Variants in AFM observed in about 807,000 individuals in gnomAD.
AFM encodes the protein alpha-Alb.
A neutral mutation model predicts 68.7 loss-of-function variants in AFM; 82 were observed. That is an observed-to-expected ratio of 1.19 (90% CI 1.00 to 1.43). The LOEUF (loss-of-function observed/expected upper bound fraction) is 1.43, where lower values mean the gene tolerates loss of function less well. Ranked by LOEUF, AFM falls within the 40% of genes most tolerant of loss-of-function variation. AFM has a pLI of 0.00. For synonymous variants in AFM, 250 were observed against 234.2 expected (o/e 1.07, Z -0.61); for missense variants, 772 against 701.8 (o/e 1.10, Z -1.13).
At chr4:73,498,823 CA>C (rs1461338663) in intron 10 of AFM, among the ~76,000 whole-genome samples, 2 of 151,972 alleles carry the variant, frequency 1.3e-5, no homozygotes, top group East Asian at 3.9e-4. Context: ...AGATACTAGC[CA>C]ATGTATTTGC....
At chr4:73,484,510 C>A (rs1372672802) in intron 3 of AFM, 120 bp downstream of exon 3, 1 of 735,368 alleles carries the variant, frequency 1.4e-6, no homozygotes. Context: ...TTCTTTCATT[C>A]TTTCTTTCTT....
At chr4:73,482,858 C>G (rs950043400) in intron 1 of AFM, among the ~76,000 whole-genome samples, 6 of 152,184 alleles carry the variant, frequency 3.9e-5, no homozygotes, top group Non-Finnish European at 7.3e-5. Flanking sequence ...ACATATACCA[C>G]TACCTGACTC....
At chr4:73,483,489 A>G (rs1476305516) in intron 1 of AFM, among the ~76,000 whole-genome samples, 2 of 152,214 alleles carry the variant, frequency 1.3e-5, no homozygotes, top group Non-Finnish European at 2.9e-5. Flanking sequence ...TCTGGAGATG[A>G]CCTAAATAGC....
chr4:73,496,187 C>T (rs1467100050), intron 9 of AFM, among the ~76,000 whole-genome samples: 1 of 152,146 alleles, frequency 6.6e-6, no homozygotes, highest in Admixed American at 6.5e-5. Flanking sequence ...GGCTGTGTTC[C>T]CTCTAGGGAA....
chr4:73,484,458 CT>C (rs369780559), intron 3 of AFM, 68 bp downstream of exon 3: 8 of 462,144 alleles, frequency 1.7e-5, no homozygotes, highest in Non-Finnish European at 3.0e-5. Context: ...TTCTTTCTTT[CT>C]TTCTTTCTTT....
At chr4:73,495,126 G>A in intron 8 of AFM, 174 bp from the exon 9 acceptor site, 1 of 474,832 alleles carries the variant, frequency 2.1e-6, no homozygotes, top group Non-Finnish European at 3.6e-6. Flanking sequence ...GAGAACTTTT[G>A]TAAAATGATC....
chr4:73,499,961 A>G lies in AFM; in HGVS notation c.1423-43A>G, dbSNP rs1721380708. 3 of 1,521,730 alleles carry G rather than the reference A, an allele frequency of 2.0e-6. No individual in the cohort carries two copies. In the African/African-American group the frequency reaches 4.1e-5, roughly 21 times the overall value. 94.3% of individuals were successfully genotyped at this position (1,521,730 alleles called of 1,614,324 possible). On this transcript the variant is annotated intron_variant, in intron 11 of 14. Coordinates refer to ENST00000226355, the MANE Select transcript of AFM (RefSeq NM_001133.2). ...AACCATATTTTTAGAAATTCCATTC[A>G]AGTTTTAAGATCGTATCTCAGTTGC...
intron 3 of AFM, among the ~76,000 whole-genome samples, chr4:73,485,594 G>T (rs1217997710): frequency 6.9e-6 from 1 of 145,934 alleles, no homozygotes; most frequent in Non-Finnish European, 1.5e-5. Context: ...AGAAGGAGAA[G>T]AGGAAGAGGA....
At chr4:73,482,256 A>G (rs1230389537) in intron 1 of AFM, among the ~76,000 whole-genome samples, 1 of 152,240 alleles carries the variant, frequency 6.6e-6, no homozygotes, top group Non-Finnish European at 1.5e-5. Flanking sequence ...TCCCAACTAT[A>G]TCTTTATGGA....
chr4:73,484,147 A>G (rs1720788898), intron 2 of AFM, 111 bp from the exon 3 acceptor site: 1 of 1,445,450 alleles, frequency 6.9e-7, no homozygotes, highest in Admixed American at 2.5e-5. Flanking sequence ...ATTTATAGCC[A>G]TTACAATAGA....
chr4:73,501,799 C>T lies in AFM; in HGVS notation c.1659C>T (p.Asn553=). The T allele has an allele frequency of 2.5e-6, 4 of 1,612,610 alleles. No individual in the cohort carries two copies. The highest frequency in any genetic ancestry group is 3.4e-6 in the Non-Finnish European group (4 of 1,179,352). ...CTTTTGGCCACAGGTTTCTTGTCAACTTAGTGAAGCTGAAGCATGAACTCA... is the reference window on the plus strand; with the variant it reads ...CTTTTGGCCACAGGTTTCTTGTCAATTTAGTGAAGCTGAAGCATGAACTCA... ...LQRKTDRFLV[N]LVKLKHELTD... is the part of the protein sequence containing the mutation. The change falls in exon 13 of 15, where the codon AAC becomes AAT. Residue 553 remains asparagine, a synonymous_variant. Coordinates refer to ENST00000226355, the MANE Select transcript of AFM (RefSeq NM_001133.2).
intron 4 of AFM, 43 bp downstream of exon 4, chr4:73,486,116 G>A (rs192588724): frequency 6.5e-5 from 97 of 1,487,574 alleles, no homozygotes; most frequent in Admixed American, 1.0e-4. Context: ...TGAAGAATTA[G>A]TCTTAGGCTG....
In AFM at chr4:73,499,103, T is replaced by C. The variant is rs1334984865; in HGVS notation, c.1290-11T>C. 5 of 1,607,994 alleles carry C rather than the reference T, an allele frequency of 3.1e-6. No homozygotes were observed. The highest frequency in any genetic ancestry group is 4.2e-6 in the Non-Finnish European group (5 of 1,176,796). ...TTTCATTCAGAACCAAACAGACAAA[T>C]GTTCTTTCAGTTACCTCATCAGGCT... On this transcript the variant is annotated splice_polypyrimidine_tract_variant and intron_variant, in intron 10 of 14. Coordinates refer to ENST00000226355, the MANE Select transcript of AFM (RefSeq NM_001133.2).
chr4:73,500,524 T>C (rs1301666081), intron 12 of AFM, among the ~76,000 whole-genome samples: 1 of 152,202 alleles, frequency 6.6e-6, no homozygotes, highest in Non-Finnish European at 1.5e-5. Flanking sequence ...ATGAATTTCA[T>C]TTCCTTGAGG....
rs1721294911 is a variant in AFM at position 73,497,689 on chromosome 4, A to G, written c.1229A>G (p.Lys410Arg). ...KFNETTEKSL[K>R]MVQQECKHFQ... Reference sequence around the variant, plus strand: ...AATGAGACAACTGAGAAAAGCCTCAAGATGGTACAACAAGAATGTAAACAT... The same window carrying G: ...AATGAGACAACTGAGAAAAGCCTCAGGATGGTACAACAAGAATGTAAACAT... The change falls in exon 10 of 15, where the codon AAG becomes AGG. Residue 410 changes from lysine to arginine, a missense_variant. Physicochemically the swap from Lys to Arg is conservative, Grantham distance 26 (BLOSUM62 2). Coordinates refer to ENST00000226355, the MANE Select transcript of AFM (RefSeq NM_001133.2). 6.2e-7 allele frequency: 1 copy of G among 1,610,808 alleles called. No individual in the cohort carries two copies. The highest frequency in any genetic ancestry group is 1.1e-5 in the South Asian group (1 of 90,646).
intron 1 of AFM, 31 bp from the exon 2 acceptor site, chr4:73,483,910 A>G (rs774177553): frequency 6.7e-7 from 1 of 1,484,056 alleles, no homozygotes; most frequent in African/African-American, 1.4e-5. Flanking sequence ...AAACCATGCT[A>G]TGTAATAACC....
At chr4:73,491,813 CATA>C in intron 7 of AFM, 56 bp from the exon 8 acceptor site, 1 of 1,411,588 alleles carries the variant, frequency 7.1e-7, no homozygotes, top group Non-Finnish European at 9.9e-7. Flanking sequence ...GCCATCATTC[CATA>C]ATGGAAGAAA....
At chr4:73,487,192 AC>A in intron 5 of AFM, 93 bp downstream of exon 5, 1 of 1,360,066 alleles carries the variant, frequency 7.4e-7, no homozygotes, top group Non-Finnish European at 1.0e-6. Flanking sequence ...AGGCTTGCTT[AC>A]CATATATGAT....
At chr4:73,484,488 TTCTTTC>T (rs1720823657) in intron 3 of AFM, 98 bp downstream of exon 3, 1 of 798,252 alleles carries the variant, frequency 1.3e-6, no homozygotes, top group Non-Finnish European at 1.8e-6. Flanking sequence ...CTTTCTTTCT[TTCTTTC>T]TTTCTTTCTT....
Sources: allele counts gnomAD v4.1 joint callset (sites outside exome capture counted in the v4.1 genomes callset), GRCh38; gene constraint gnomAD v4.1.1; transcripts MANE v1.5; gene names NCBI Gene and HGNC (gene_info 2026-07-23, HGNC 2026-07-21).